SMC6: variants seen among roughly 807,000 people sequenced by gnomAD.
SMC6 encodes the protein structural maintenance of chromosomes 6.
Under a neutral mutation model 142.2 loss-of-function variants are expected in SMC6, and 79 were observed. The observed-to-expected ratio is 0.56, with a 90% CI of 0.46 to 0.67. SMC6 has a LOEUF of 0.67. Ranked by LOEUF, SMC6 falls within the 30% of genes least tolerant of loss-of-function variation. The pLI is 0.00. For missense variants in SMC6, 1,072 were observed against 1,284.0 expected (o/e 0.83, Z 2.52); for synonymous variants, 411 against 412.4 (o/e 1.00, Z 0.04).
In SMC6 at chr2:17,703,150, T is replaced by G; in HGVS notation, c.2142+7A>C. ...CAAAAGAAGGTTTATTATTATTATT[T>G]TTTTACCTTTAGTTCTTTATAATGT... On this transcript the variant is annotated splice_region_variant and intron_variant, in intron 19 of 27. Transcript: ENST00000448223. 7.4e-7 allele frequency: 1 copy of G among 1,356,278 alleles called. No homozygotes were observed. The allele number at this position is 1,356,278 out of a possible 1,614,324, so 84.0% of individuals were successfully genotyped here. A position where few individuals can be genotyped will look rare whatever the true frequency, so the allele number is the denominator to read the frequency against.
intron 21 of SMC6, among the ~76,000 whole-genome samples, chr2:17,698,640 A>C (rs1668124496): frequency 6.6e-6 from 1 of 152,058 alleles, no homozygotes; most frequent in South Asian, 2.1e-4. Flanking sequence ...ATTTATAGAG[A>C]GCATATAGTC....
rs948713759 is a variant in SMC6, at chr2:17,675,438, C to T, written c.2910+3421G>A. Among the ~76,000 whole-genome samples the T allele has an allele frequency of 2.6e-5, 4 of 152,162 alleles. No homozygotes were observed. The East Asian group carries it at 7.7e-4, about 29-fold the overall frequency. On this transcript the variant is annotated intron_variant, in intron 25 of 27. Transcript: ENST00000448223. ...TATTTACCCATAGATTTACCTTTTGCATTCCTCTCTGTTCCTTCTGCATTT... is the reference window on the plus strand; with the variant it reads ...TATTTACCCATAGATTTACCTTTTGTATTCCTCTCTGTTCCTTCTGCATTT...
intron 11 of SMC6, among the ~76,000 whole-genome samples, chr2:17,718,446 GA>G (rs1395478208): frequency 6.6e-6 from 1 of 152,116 alleles, no homozygotes; most frequent in African/African-American, 2.4e-5. Flanking sequence ...ACAAAGACAT[GA>G]TAACAAATGT....
chr2:17,706,162 G>C (rs1176046055), intron 18 of SMC6, among the ~76,000 whole-genome samples: 1 of 152,040 alleles, frequency 6.6e-6, no homozygotes, highest in African/African-American at 2.4e-5. Flanking sequence ...AAATTTTAAA[G>C]AGCATACTTC....
chr2:17,680,874 A>C (rs1667208939), intron 24 of SMC6: 1 of 152,182 alleles, frequency 6.6e-6, no homozygotes, highest in South Asian at 2.1e-4. Context: ...CTTAAACTTA[A>C]AGTCACTAGC....
chr2:17,708,500 T>C, intron 17 of SMC6, 139 bp downstream of exon 17: 5 of 380,776 alleles, frequency 1.3e-5, no homozygotes. Context: ...ATCCTACAGA[T>C]TTTCCTATCA....
At chr2:17,706,340 C>T (rs1668505527) in intron 18 of SMC6, among the ~76,000 whole-genome samples, 1 of 152,048 alleles carries the variant, frequency 6.6e-6, no homozygotes, top group Non-Finnish European at 1.5e-5. Context: ...TGCCAGAACA[C>T]CAAGGTGCTA....
rs760844536 is a variant in SMC6 at position 17,731,721 on chromosome 2, A to G, written c.481+20T>C. The G allele has an allele frequency of 1.2e-6, 2 of 1,603,652 alleles. No homozygotes were observed. Among genetic ancestry groups the G allele is most frequent in the Non-Finnish European group, 8.5e-7 (1 of 1,174,716 alleles). On this transcript the variant is annotated intron_variant, in intron 6 of 27. Coordinates refer to ENST00000448223, the MANE Select transcript of SMC6 (RefSeq NM_001142286.2). ...ATTTCCTAATATTTTATAAGAAATG[A>G]AAAGAGAATCAAAACAAACCTGTTG... is the stretch of plus-strand genomic sequence containing the variant.
intron 14 of SMC6, 103 bp downstream of exon 14, chr2:17,716,635 CTTA>C: frequency 3.5e-6 from 4 of 1,153,970 alleles, no homozygotes; most frequent in Middle Eastern, 2.7e-4. Context: ...AAAAAGATCC[CTTA>C]TTATGTAGAA....
chr2:17,679,068 A>C, intron 24 of SMC6, 104 bp from the exon 25 acceptor site: 1 of 700,682 alleles, frequency 1.4e-6, no homozygotes, highest in Non-Finnish European at 2.3e-6. Context: ...GAAATATGCC[A>C]AAATGTAAAC....
At chr2:17,749,455 C>G (rs890970176) in intron 2 of SMC6, among the ~76,000 whole-genome samples, 2 of 152,116 alleles carry the variant, frequency 1.3e-5, no homozygotes, top group Non-Finnish European at 2.9e-5. Flanking sequence ...TTTGGGAGGC[C>G]AAGGCAGGCG....
chr2:17,738,094 T>A, intron 5 of SMC6, 127 bp downstream of exon 5: 1 of 628,670 alleles, frequency 1.6e-6, no homozygotes, highest in East Asian at 2.8e-5. Context: ...AATGAAAAAA[T>A]AGGACACCTC....
At chr2:17,681,223 G>C (rs1389285829) in intron 24 of SMC6, 1 of 152,248 alleles carries the variant, frequency 6.6e-6, no homozygotes, top group Non-Finnish European at 1.5e-5. Context: ...GGAGAGTTAA[G>C]GCATTGCTCT....
intron 23 of SMC6, among the ~76,000 whole-genome samples, chr2:17,685,894 A>C (rs1667433670): frequency 6.6e-6 from 1 of 151,568 alleles, no homozygotes; most frequent in Non-Finnish European, 1.5e-5. Context: ...ATATATATCT[A>C]TATATATATA....
At chr2:17,715,108 T>C in intron 15 of SMC6, 43 bp from the exon 16 acceptor site, 3 of 1,563,302 alleles carry the variant, frequency 1.9e-6, no homozygotes, top group South Asian at 1.2e-5. Flanking sequence ...TAAATACTTA[T>C]TTTGAAATAT....
At chr2:17,735,731 C>T (rs1389405581) in intron 5 of SMC6, among the ~76,000 whole-genome samples, 1 of 152,134 alleles carries the variant, frequency 6.6e-6, no homozygotes. Flanking sequence ...TTCATTCAGT[C>T]CCTGTGTCAC....
chr2:17,745,667 ATAAT>A (rs1670709118), intron 3 of SMC6, among the ~76,000 whole-genome samples, 156 bp downstream of exon 3: 2 of 152,076 alleles, frequency 1.3e-5, no homozygotes, highest in African/African-American at 4.8e-5. Context: ...AATTTTTCTA[ATAAT>A]TAACATAAGC....
chr2:17,716,248 C>A lies in SMC6; in HGVS notation c.1363G>T (p.Val455Leu). Reference protein sequence around the residue: ...HGKIKREELDVKHALSYNQRQ... With the variant: ...HGKIKREELDLKHALSYNQRQ... ...TGATTGTAGCTCAGTGCATGCTTCA[C>A]ATCTAATTCTTCTCTCCTAAAAAAC... The change falls in exon 15 of 28, where the codon GTG (valine) becomes TTG (leucine). Residue 455 changes from valine to leucine, a missense_variant. By Grantham distance (32) the Val-to-Leu change is conservative. Coordinates refer to ENST00000448223, the MANE Select transcript of SMC6 (RefSeq NM_001142286.2). The A allele has an allele frequency of 6.2e-7, 1 of 1,605,526 alleles. No homozygotes were observed. The highest frequency in any genetic ancestry group is 1.3e-5 in the African/African-American group (1 of 74,406).
chr2:17,725,859 A>T (rs903094621), intron 8 of SMC6, among the ~76,000 whole-genome samples: 3 of 152,066 alleles, frequency 2.0e-5, no homozygotes, highest in Non-Finnish European at 4.4e-5. Flanking sequence ...AGGCCAAAGC[A>T]GGTGGATCAC....
Sources: gnomAD v4.1 joint callset for allele counts (sites outside exome capture counted in the v4.1 genomes callset) on GRCh38, gnomAD v4.1.1 for gene constraint, MANE v1.5 for transcripts, NCBI Gene and HGNC (gene_info 2026-07-23, HGNC 2026-07-21) for gene names.